STOX2: variants seen among roughly 807,000 people sequenced by gnomAD.
STOX2 encodes the protein storkhead-box protein 2.
STOX2 carries 28 observed loss-of-function variants against 60.9 expected under a neutral mutation model. The observed-to-expected ratio is 0.46, with a 90% CI of 0.34 to 0.63. The LOEUF is 0.63. STOX2 is among the 30% of genes least tolerant of loss of function. The pLI, the probability that STOX2 is intolerant of heterozygous loss-of-function variation, is 0.01. For synonymous variants in STOX2, 472 were observed against 463.9 expected, an observed-to-expected ratio of 1.02 and a Z score of -0.22; for missense variants, 1,024 against 1,187.7, an observed-to-expected ratio of 0.86 and a Z score of 2.03.
At chr4:183,954,838 A>C (rs948609566) in intron 1 of STOX2, among the ~76,000 whole-genome samples, 4 of 151,934 alleles carry the variant, frequency 2.6e-5, no homozygotes, top group Non-Finnish European at 4.4e-5. Flanking sequence ...TGCCTGGTTC[A>C]AGTGATTCTC....
At chr4:183,944,629 G>A (rs1742838108) in intron 1 of STOX2, among the ~76,000 whole-genome samples, 1 of 152,196 alleles carries the variant, frequency 6.6e-6, no homozygotes, top group East Asian at 1.9e-4. Flanking sequence ...CAGGAGAATT[G>A]CTGGAGCCCA....
intron 1 of STOX2, among the ~76,000 whole-genome samples, chr4:183,861,315 G>GT (rs1553968756): frequency 4.0e-5 from 6 of 150,890 alleles, no homozygotes; most frequent in Middle Eastern, 3.2e-3. Flanking sequence ...CCTTGGGGGG[G>GT]TCCTCACCCT....
intron 1 of STOX2, among the ~76,000 whole-genome samples, chr4:183,989,482 G>A (rs982346517): frequency 6.6e-6 from 1 of 152,144 alleles, no homozygotes. Flanking sequence ...GATTACAGGC[G>A]TGAGCCACTG....
intron 1 of STOX2, among the ~76,000 whole-genome samples, chr4:183,941,326 G>A (rs1291564654): frequency 6.6e-6 from 1 of 152,120 alleles, no homozygotes; most frequent in Non-Finnish European, 1.5e-5. Context: ...CCAGCACTTT[G>A]GGAGGCCAAG....
chr4:183,815,389 T>A lies in STOX2; in HGVS notation c.364+17334T>A, dbSNP rs964554599. On this transcript the variant is annotated intron_variant, in intron 1 of 2. Transcript: ENST00000513034. ...AGCAAAATACTATAAAATGTATCAG[T>A]CTAATGATGATGACACTTAATAGCA... 2.8e-4 allele frequency among the ~76,000 whole-genome samples: 42 copies of A among 152,276 alleles called. 1 individual carries two copies. Among genetic ancestry groups the A allele is most frequent in the African/African-American group, 9.9e-4 (41 of 41,568 alleles).
chr4:183,849,345 C>T (rs1740058632), intron 1 of STOX2, among the ~76,000 whole-genome samples: 1 of 152,190 alleles, frequency 6.6e-6, no homozygotes, highest in South Asian at 2.1e-4. Context: ...AGTCAAAGGC[C>T]TCATGCCTCA....
At chr4:183,947,437 C>T (rs1382369030) in intron 1 of STOX2, among the ~76,000 whole-genome samples, 1 of 152,110 alleles carries the variant, frequency 6.6e-6, no homozygotes, top group Non-Finnish European at 1.5e-5. Context: ...GCTTCTCAGG[C>T]AATACACATC....
chr4:183,873,339 G>A (rs540430836), intron 1 of STOX2, among the ~76,000 whole-genome samples: 2 of 152,114 alleles, frequency 1.3e-5, no homozygotes, highest in South Asian at 2.1e-4. Context: ...CCAGCTACTC[G>A]GGAGGCTGAG....
chr4:183,866,918 A>AGGCCGGGCGCGGTGGCTCACGCC (rs1740580837), intron 1 of STOX2, among the ~76,000 whole-genome samples: 1 of 152,198 alleles, frequency 6.6e-6, no homozygotes, highest in East Asian at 1.9e-4. Context: ...AGAACAATGT[A>AGGCCGGGCGCGGTGGCTCACGCC]TTTTATTTTG....
At chr4:183,822,224 G>C (rs1398952261) in intron 1 of STOX2, among the ~76,000 whole-genome samples, 1 of 152,246 alleles carries the variant, frequency 6.6e-6, no homozygotes, top group Non-Finnish European at 1.5e-5. Flanking sequence ...AAAAGCTACT[G>C]CTAATGGAAC....
At chr4:183,917,616 C>G (rs538094265) in intron 1 of STOX2, among the ~76,000 whole-genome samples, 158 of 152,292 alleles carry the variant, frequency 1.0e-3, no homozygotes, top group Non-Finnish European at 2.0e-3. Context: ...ATAATGTAGA[C>G]AAGGGGCAGA....
chr4:183,844,191 A>C (rs1281316695), intron 1 of STOX2, among the ~76,000 whole-genome samples: 1 of 152,156 alleles, frequency 6.6e-6, no homozygotes. Context: ...GATGGCAGTC[A>C]TTTTCTTCCT....
At chr4:183,988,659 T>C (rs765839356) in intron 1 of STOX2, 6 of 152,602 alleles carry the variant, frequency 3.9e-5, no homozygotes, top group Non-Finnish European at 8.8e-5. Flanking sequence ...TCATTTAGGA[T>C]ACTATGACTT....
chr4:183,932,819 T>C (rs1742477140), intron 1 of STOX2, among the ~76,000 whole-genome samples: 1 of 152,172 alleles, frequency 6.6e-6, no homozygotes, highest in Admixed American at 6.5e-5. Flanking sequence ...CTGTCAGAAC[T>C]GTGGAAGATG....
In STOX2 at chr4:184,011,079, G is replaced by C; in HGVS notation, c.2241G>C (p.Gly747=). The part of the protein sequence containing the change: ...GRCEKLEPSL[G]TSAAQAMPAS... ...GTGAGAAACTGGAACCGTCCCTGGG[G>C]ACCTCGGCGGCACAAGCCATGCCTG... is the stretch of plus-strand genomic sequence containing the variant. Residue 747 remains glycine (G), a synonymous_variant, in exon 3 of 4, where the codon GGG becomes GGC. Coordinates refer to ENST00000308497, the MANE Select transcript of STOX2 (RefSeq NM_020225.3). The surrounding 1 kb of genome is among the most constrained non-coding windows in gnomAD (Gnocchi z 4.4). The C allele has an allele frequency of 6.2e-7, 1 of 1,602,656 alleles. No homozygotes were observed. Among genetic ancestry groups the C allele is most frequent in the Non-Finnish European group, 8.5e-7 (1 of 1,174,772 alleles).
chr4:183,990,237 A>G (rs1294873355), intron 1 of STOX2, among the ~76,000 whole-genome samples: 1 of 152,204 alleles, frequency 6.6e-6, no homozygotes, highest in Admixed American at 6.5e-5. Context: ...TTAAGGACCT[A>G]TTCCAAATCT....
chr4:183,809,183 G>A (rs1286785476), intron 1 of STOX2, among the ~76,000 whole-genome samples: 2 of 152,120 alleles, frequency 1.3e-5, no homozygotes, highest in Non-Finnish European at 1.5e-5. Context: ...TCAGACTCAA[G>A]AGATCCTTCC....
At chr4:183,892,309 C>G (rs558636246) in intron 1 of STOX2, among the ~76,000 whole-genome samples, 21 of 152,288 alleles carry the variant, frequency 1.4e-4, no homozygotes, top group South Asian at 1.0e-3. Flanking sequence ...GACGGAGTCT[C>G]GCTCTGTCGC....
chr4:183,809,818 G>A (rs760938704), intron 1 of STOX2, among the ~76,000 whole-genome samples: 33 of 152,240 alleles, frequency 2.2e-4, no homozygotes, highest in Non-Finnish European at 3.7e-4. Flanking sequence ...CAACATTACC[G>A]TTGTATCTTT....
Sources: allele counts gnomAD v4.1 joint callset (sites outside exome capture counted in the v4.1 genomes callset), GRCh38; gene constraint gnomAD v4.1.1; non-coding constraint Gnocchi (gnomAD v3.1); transcripts MANE v1.5; gene names NCBI Gene and HGNC (gene_info 2026-07-23, HGNC 2026-07-21).